Variants in ENOX1 observed in about 807,000 individuals in gnomAD.
The protein encoded by ENOX1 is ecto-NOX disulfide-thiol exchanger 1.
In ENOX1, 42 loss-of-function variants were observed where a neutral mutation model predicts 82.5. That is an observed-to-expected ratio of 0.51 (90% CI 0.40 to 0.66). The LOEUF is 0.66. Ranked by LOEUF, ENOX1 falls within the 30% of genes least tolerant of loss-of-function variation. The pLI is 0.00. For synonymous variants in ENOX1, 271 were observed against 282.2 expected, an observed-to-expected ratio of 0.96 and a Z score of 0.40; for missense variants, 608 against 811.6, an observed-to-expected ratio of 0.75 and a Z score of 3.05.
intron 1 of ENOX1, among the ~76,000 whole-genome samples, chr13:43,760,302 T>C (rs1950890738): frequency 1.3e-5 from 2 of 152,246 alleles, no homozygotes; most frequent in South Asian, 4.1e-4. Flanking sequence ...CATTAGGTAC[T>C]GCCCTGAATC....
intron 2 of ENOX1, among the ~76,000 whole-genome samples, chr13:43,631,930 C>T (rs1282130298): frequency 1.3e-5 from 2 of 152,138 alleles, no homozygotes; most frequent in African/African-American, 2.4e-5. Flanking sequence ...CAAGAGTGTT[C>T]TCCATTGCCG....
chr13:43,592,743 A>G (rs796343299), intron 2 of ENOX1, among the ~76,000 whole-genome samples: 81 of 152,320 alleles, frequency 5.3e-4, no homozygotes, highest in African/African-American at 1.8e-3. Flanking sequence ...ACTTAACTGC[A>G]TTGATATTTG....
chr13:43,771,933 ATTTTT>A (rs34718451), intron 1 of ENOX1, among the ~76,000 whole-genome samples: 8 of 100,970 alleles, frequency 7.9e-5, no homozygotes, highest in East Asian at 2.8e-4. Context: ...CGCCCGGCTA[ATTTTT>A]TTTTTTTTTT....
intron 1 of ENOX1, among the ~76,000 whole-genome samples, chr13:43,690,807 T>C (rs907114207): frequency 2.6e-5 from 4 of 152,174 alleles, no homozygotes; most frequent in African/African-American, 9.6e-5. Flanking sequence ...GTGATGCAGA[T>C]AATGTATGAA....
At chr13:43,579,693 G>C (rs1257061839) in intron 2 of ENOX1, among the ~76,000 whole-genome samples, 1 of 152,232 alleles carries the variant, frequency 6.6e-6, no homozygotes, top group African/African-American at 2.4e-5. Context: ...TGCTTGCTCA[G>C]AAGGCTCATG....
At chr13:43,266,503 T>C (rs1248273457) in intron 13 of ENOX1, among the ~76,000 whole-genome samples, 2 of 152,102 alleles carry the variant, frequency 1.3e-5, no homozygotes, top group Non-Finnish European at 2.9e-5. Context: ...CATGAAGAAA[T>C]TGAGGATCAG....
At chr13:43,322,662 G>A (rs2047883076) in intron 10 of ENOX1, among the ~76,000 whole-genome samples, 161 bp from the exon 11 acceptor site, 1 of 152,138 alleles carries the variant, frequency 6.6e-6, no homozygotes, top group Non-Finnish European at 1.5e-5. Flanking sequence ...AGGGGTGTGG[G>A]GTACAGGGGA....
At chr13:43,601,072 C>T (rs191980983) in intron 2 of ENOX1, among the ~76,000 whole-genome samples, 2 of 152,078 alleles carry the variant, frequency 1.3e-5, no homozygotes, top group African/African-American at 4.8e-5. Context: ...CGGGTACAAA[C>T]AAGCCCAGAC....
At chr13:43,319,323 C>A (rs942752014) in intron 11 of ENOX1, among the ~76,000 whole-genome samples, 1 of 152,072 alleles carries the variant, frequency 6.6e-6, no homozygotes, top group Non-Finnish European at 1.5e-5. Context: ...AGAGTGAACA[C>A]CCCACCCAGA....
In ENOX1 at chr13:43,359,872, C is replaced by T; in HGVS notation, c.568G>A (p.Asp190Asn). The T allele has an allele frequency of 6.2e-7, 1 of 1,614,200 alleles. No homozygotes were observed. The highest frequency in any genetic ancestry group is 8.5e-7 in the Non-Finnish European group (1 of 1,180,006). ...HIRFAEEFMV[D>N]KAIYLSGYRM... Reference sequence around the variant, plus strand: ...GTACCAGAAAGGTAAATGGCTTTATCAACCATGAATTCCTCTGCAAAGCGA... The same window carrying T: ...GTACCAGAAAGGTAAATGGCTTTATTAACCATGAATTCCTCTGCAAAGCGA... The change falls in exon 7 of 17, where the codon GAT (aspartate) becomes AAT (asparagine). Residue 190 changes from aspartate (D) to asparagine (N), a missense_variant. Transcript: ENST00000690772.
At chr13:43,418,431 G>T (rs1240396752) in intron 3 of ENOX1, among the ~76,000 whole-genome samples, 1 of 151,996 alleles carries the variant, frequency 6.6e-6, no homozygotes, top group Non-Finnish European at 1.5e-5. Flanking sequence ...GGGAAGCTGA[G>T]GCAGGAGAAT....
Position 43,390,262 on chromosome 13 carries a change from C to T in ENOX1, c.208+21654G>A, listed in dbSNP as rs377625734. On this transcript the variant is annotated intron_variant, in intron 5 of 16. Coordinates refer to ENST00000690772, the MANE Select transcript of ENOX1 (RefSeq NM_001347969.2). ...TATGAAATCATGGCATATAAATGAG[C>T]TTTAGACATGTAAACTGACTCTTTA... 2.5e-4 allele frequency among the ~76,000 whole-genome samples: 38 copies of T among 152,112 alleles called. 2 individuals carry two copies. The East Asian group carries it at 6.8e-3, about 27-fold the overall frequency.
At chr13:43,686,643 G>C (rs2086092143) in intron 1 of ENOX1, among the ~76,000 whole-genome samples, 1 of 152,250 alleles carries the variant, frequency 6.6e-6, no homozygotes, top group African/African-American at 2.4e-5. Context: ...TACACACATG[G>C]TATCACACTC....
At chr13:43,723,147 C>G (rs1438013208) in intron 1 of ENOX1, among the ~76,000 whole-genome samples, 1 of 152,158 alleles carries the variant, frequency 6.6e-6, no homozygotes, top group East Asian at 1.9e-4. Flanking sequence ...CTTGGCAGAG[C>G]AAGTGGGAGC....
chr13:43,252,172 T>A (rs2043495225), intron 14 of ENOX1, among the ~76,000 whole-genome samples: 1 of 152,184 alleles, frequency 6.6e-6, no homozygotes, highest in Non-Finnish European at 1.5e-5. Flanking sequence ...AGAAAGCCAC[T>A]CTGTAATCTC....
rs78674578 is a variant in ENOX1, at chr13:43,327,648, T to C, written c.1037-1123A>G. ...ACACCCCATCAACATAAATCTTTCA[T>C]AAGTGATTCCCAAGGCTCTATTATA... is the stretch of plus-strand genomic sequence containing the variant. On this transcript the variant is annotated intron_variant, in intron 9 of 16. Transcript: ENST00000690772. Among the ~76,000 whole-genome samples the C allele has an allele frequency of 5.7e-4, 87 of 152,320 alleles. 3 individuals are homozygous for C. In the East Asian group the frequency reaches 0.014, roughly 25 times the overall value.
At chr13:43,478,495 G>C (rs900987904) in intron 3 of ENOX1, among the ~76,000 whole-genome samples, 7 of 152,046 alleles carry the variant, frequency 4.6e-5, no homozygotes, top group African/African-American at 1.7e-4. Flanking sequence ...TTAAAAACCT[G>C]ACTCAGGAAC....
chr13:43,399,355 T>TG (rs1336401952), intron 5 of ENOX1, among the ~76,000 whole-genome samples: 2 of 152,178 alleles, frequency 1.3e-5, no homozygotes, highest in East Asian at 3.9e-4. Flanking sequence ...GATTTGTGGG[T>TG]GTGCATTGGG....
rs58120566 is a variant in ENOX1, at chr13:43,593,669, TACACACACACACACACACACACACACAC to T, written c.-219+73782_-219+73809del. On this transcript the variant is annotated intron_variant, in intron 2 of 16. Transcript: ENST00000690772. ...CCCCCACCCTGCCACCCAATCTCTG[TACACACACACACACACACACACACACAC>T]ACACACACACACACACACACACACA... Among the ~76,000 whole-genome samples the T allele has an allele frequency of 7.9e-4, 55 of 69,246 alleles. 3 individuals carry two copies. The South Asian group carries it at 0.023, about 29-fold the overall frequency. The allele number at this position is 69,246 out of a possible 152,430, so 45.4% of individuals were successfully genotyped here. A position where few individuals can be genotyped will look rare whatever the true frequency, so the allele number is the denominator to read the frequency against.
Sources: gnomAD v4.1 joint callset for allele counts (sites outside exome capture counted in the v4.1 genomes callset) on GRCh38, gnomAD v4.1.1 for gene constraint, MANE v1.5 for transcripts, NCBI Gene and HGNC (gene_info 2026-07-23, HGNC 2026-07-21) for gene names.